The following EYS variants were observed in gnomAD, a reference collection of about 807,000 sequenced individuals.
The protein encoded by EYS is EGF-like photoreceptor maintenance factor.
A neutral mutation model predicts 282.1 loss-of-function variants in EYS; 250 were observed. That is an observed-to-expected ratio of 0.89 (90% CI 0.80 to 0.98). EYS has a LOEUF of 0.98. Ranked by LOEUF, EYS falls within the 50% of genes least tolerant of loss-of-function variation. The probability of loss-of-function intolerance (pLI) is 0.00; values close to 1 mark genes in which losing one functional copy is unlikely to be tolerated. For synonymous variants in EYS, 1,355 were observed against 1,282.9 expected, an observed-to-expected ratio of 1.06 and a Z score of -1.20; for missense variants, 4,016 against 3,709.0, an observed-to-expected ratio of 1.08 and a Z score of -2.15.
chr6:64,550,885 C>T (rs922539986), intron 26 of EYS, among the ~76,000 whole-genome samples: 2 of 151,968 alleles, frequency 1.3e-5, no homozygotes, highest in African/African-American at 2.4e-5. Flanking sequence ...AATAAAATAC[C>T]TAGGAATCCA....
intron 33 of EYS, among the ~76,000 whole-genome samples, chr6:64,040,385 A>G (rs9344688): frequency 0.35 from 52,664 of 152,034 alleles, 9,334 homozygotes; most frequent in Middle Eastern, 0.4. Flanking sequence ...TCATTTCATT[A>G]TGTGTATTTG....
In EYS at chr6:65,148,363, T is replaced by C. The variant is rs142566368; in HGVS notation, c.2024-90636A>G. Among the ~76,000 whole-genome samples the C allele has an allele frequency of 3.8e-4, 58 of 152,216 alleles. 1 individual carries two copies. The highest frequency in any genetic ancestry group is 1.2e-3 in the African/African-American group (51 of 41,566). ...CAAAACAAAGGGGCTACAGGCCCCA[T>C]GCAATTCTGAAATCCAATAGAACAG... On this transcript the variant is annotated intron_variant, in intron 12 of 42. Transcript: ENST00000503581.
At position 64,997,681 on chromosome 6, in the gene EYS, TA is replaced by T. The variant is rs1771313951; in HGVS notation, c.2159del (p.Leu720TyrfsTer9). On this transcript the variant is annotated frameshift_variant, in exon 14 of 43. Transcript: ENST00000503581. LOFTEE classifies it high-confidence loss of function. ...PFKVVDGFSC[L>X]CNPGYVGIRC... ...TTATCCCAACATAGCCTGGATTGCA[TA>T]AGCAGGAAAAGCCATCAACCACTGG... 1 of 1,550,872 alleles carries T rather than the reference TA, an allele frequency of 6.4e-7. No homozygotes were observed. The highest frequency in any genetic ancestry group is 1.4e-5 in the African/African-American group (1 of 73,010).
At chr6:64,799,709 T>C (rs1369774777) in intron 22 of EYS, among the ~76,000 whole-genome samples, 1 of 150,754 alleles carries the variant, frequency 6.6e-6, no homozygotes, top group Non-Finnish European at 1.5e-5. Context: ...TTTATACCTA[T>C]GTCTGTATCT....
chr6:65,561,416 A>G (rs1368076541), intron 2 of EYS, among the ~76,000 whole-genome samples: 2 of 152,006 alleles, frequency 1.3e-5, no homozygotes, highest in Non-Finnish European at 2.9e-5. Flanking sequence ...CTATTTCTCA[A>G]ATATTTATAG....
At chr6:65,226,639 T>C (rs1766633160) in intron 12 of EYS, among the ~76,000 whole-genome samples, 1 of 152,168 alleles carries the variant, frequency 6.6e-6, no homozygotes, top group Non-Finnish European at 1.5e-5. Context: ...TCATTGAGGC[T>C]GTGGAAACAT....
chr6:65,508,527 A>C (rs1206398904), intron 2 of EYS, among the ~76,000 whole-genome samples: 2 of 151,956 alleles, frequency 1.3e-5, no homozygotes, highest in East Asian at 3.9e-4. Context: ...ATAAAAAATT[A>C]GCTGGGCGTG....
chr6:64,884,368 G>A (rs1767018767), intron 19 of EYS, among the ~76,000 whole-genome samples: 1 of 151,464 alleles, frequency 6.6e-6, no homozygotes, highest in South Asian at 2.1e-4. Context: ...ACTGGAATTA[G>A]AGAGGGATGT....
intron 22 of EYS, among the ~76,000 whole-genome samples, chr6:64,687,282 A>C (rs1770189352): frequency 6.6e-6 from 1 of 152,132 alleles, no homozygotes; most frequent in African/African-American, 2.4e-5. Context: ...ATGATTGTAA[A>C]AATTATTATA....
chr6:64,706,037 A>C (rs1336905093), intron 22 of EYS, among the ~76,000 whole-genome samples: 1 of 151,516 alleles, frequency 6.6e-6, no homozygotes, highest in Admixed American at 6.6e-5. Flanking sequence ...AAAAGCACAA[A>C]TCTGGAGGCA....
chr6:64,390,569 T>C (rs1773088801), intron 28 of EYS, among the ~76,000 whole-genome samples: 1 of 150,096 alleles, frequency 6.7e-6, no homozygotes, highest in African/African-American at 2.5e-5. Context: ...GGGTCCTGAC[T>C]GTTAGAAGGA....
intron 22 of EYS, among the ~76,000 whole-genome samples, chr6:64,800,699 C>A (rs1346917035): frequency 6.6e-6 from 1 of 151,536 alleles, no homozygotes; most frequent in Non-Finnish European, 1.5e-5. Flanking sequence ...AAGTAAAATA[C>A]CATATAATTC....
intron 29 of EYS, among the ~76,000 whole-genome samples, chr6:64,370,296 TAATTCTGTTTATGTGGTGA>T (rs1382977218): frequency 6.6e-6 from 1 of 152,086 alleles, no homozygotes; most frequent in African/African-American, 2.4e-5. Context: ...TGGTTATTTT[TAATTCTGTTTATGTGGTGA>T]ATCACATTTA....
chr6:65,170,938 C>G (rs1765090850), intron 12 of EYS, among the ~76,000 whole-genome samples: 1 of 151,452 alleles, frequency 6.6e-6, no homozygotes, highest in Admixed American at 6.6e-5. Context: ...CCACATTTTT[C>G]TCAATAATTT....
At chr6:64,001,751 G>A (rs1765835775) in intron 33 of EYS, among the ~76,000 whole-genome samples, 3 of 152,102 alleles carry the variant, frequency 2.0e-5, no homozygotes, top group Admixed American at 2.0e-4. Flanking sequence ...AATAGAAAAA[G>A]GGATACATGT....
intron 29 of EYS, among the ~76,000 whole-genome samples, chr6:64,319,813 C>T (rs962220772): frequency 6.6e-6 from 1 of 151,872 alleles, no homozygotes; most frequent in Non-Finnish European, 1.5e-5. Flanking sequence ...GCCACAAGAC[C>T]TTTCTTCCCT....
chr6:65,479,756 G>A (rs956031184), intron 5 of EYS, among the ~76,000 whole-genome samples: 1 of 152,100 alleles, frequency 6.6e-6, no homozygotes, highest in African/African-American at 2.4e-5. Context: ...TTTGGAACAT[G>A]CAAATGTTTC....
intron 40 of EYS, among the ~76,000 whole-genome samples, chr6:63,774,873 C>A (rs1770025821): frequency 7.2e-6 from 1 of 138,422 alleles, no homozygotes. Context: ...ATCAAATAGC[C>A]ATTTAATTAA....
At chr6:64,242,031 G>A (rs1248789570) in intron 30 of EYS, among the ~76,000 whole-genome samples, 1 of 151,978 alleles carries the variant, frequency 6.6e-6, no homozygotes, top group East Asian at 1.9e-4. Flanking sequence ...CTGAGAGACT[G>A]TTTGTTATGA....
Sources: gnomAD v4.1 joint callset for allele counts (sites outside exome capture counted in the v4.1 genomes callset) on GRCh38, gnomAD v4.1.1 for gene constraint, MANE v1.5 for transcripts, NCBI Gene and HGNC (gene_info 2026-07-23, HGNC 2026-07-21) for gene names.